PCDHA13: variants seen among roughly 807,000 people sequenced by gnomAD.
The protein encoded by PCDHA13 is protocadherin alpha 13.
PCDHA13 carries 54 observed loss-of-function variants against 64.8 expected under a neutral mutation model. That is an observed-to-expected ratio of 0.83 (90% CI 0.67 to 1.04). The LOEUF is 1.04. PCDHA13 is among the 50% of genes least tolerant of loss of function. PCDHA13 has a pLI of 0.00. For synonymous variants in PCDHA13, 587 were observed against 564.4 expected (o/e 1.04, Z -0.57); for missense variants, 1,248 against 1,254.3 (o/e 0.99, Z 0.08).
At position 140,883,083 on chromosome 5, in the gene PCDHA13, G is replaced by A. The variant is rs267600402; in HGVS notation, c.815G>A (p.Gly272Asp). 8 of 1,614,082 alleles carry A rather than the reference G, an allele frequency of 5.0e-6. No homozygotes were observed. Among genetic ancestry groups the A allele is most frequent in the Non-Finnish European group, 6.8e-6 (8 of 1,180,016 alleles). Residue 272 changes from glycine (G) to aspartate (D), a missense_variant, in exon 1 of 4, where the codon GGT becomes GAT. Coordinates refer to ENST00000289272, the MANE Select transcript of PCDHA13 (RefSeq NM_018904.3). ...CTAAATGCCACAGATCCTGATGATG[G>A]TACAAATGGAGATATAGTTTACTCA... ...IKLNATDPDD[G>D]TNGDIVYSFR...
chr5:140,962,757 T>C (rs1554226219), intron 1 of PCDHA13, among the ~76,000 whole-genome samples: 1 of 152,240 alleles, frequency 6.6e-6, no homozygotes, highest in Non-Finnish European at 1.5e-5. Context: ...GGAATCCTAT[T>C]CGTTTTTAAC....
At position 140,883,741 on chromosome 5, in the gene PCDHA13, C is replaced by T. The variant is rs2153397240; in HGVS notation, c.1473C>T (p.Ser491=). Reference sequence around the variant, plus strand: ...ACGCACAGGAGAACGCGCTGGTCTCCTACTCGCTGGTGGAGCGGCGGGTGG... The same window carrying T: ...ACGCACAGGAGAACGCGCTGGTCTCTTACTCGCTGGTGGAGCGGCGGGTGG... ...DADAQENALV[S]YSLVERRVGE... The change falls in exon 1 of 4, where the codon TCC becomes TCT. Residue 491 remains serine, a synonymous_variant. Coordinates refer to ENST00000289272, the MANE Select transcript of PCDHA13 (RefSeq NM_018904.3). 1 of 1,613,386 alleles carries T rather than the reference C, an allele frequency of 6.2e-7. No individual in the cohort carries two copies. The highest frequency in any genetic ancestry group is 8.5e-7 in the Non-Finnish European group (1 of 1,179,820).
intron 1 of PCDHA13, among the ~76,000 whole-genome samples, chr5:140,963,916 T>A (rs186370400): frequency 2.0e-5 from 3 of 152,356 alleles, no homozygotes; most frequent in East Asian, 3.9e-4. Flanking sequence ...AAGCTTAGGC[T>A]AAGTAACATG....
chr5:140,888,233 C>T (rs544193607), intron 1 of PCDHA13, among the ~76,000 whole-genome samples: 6 of 152,142 alleles, frequency 3.9e-5, no homozygotes, highest in South Asian at 4.1e-4. Flanking sequence ...CATGTGTGTG[C>T]GTGTTCCTTT....
At chr5:140,998,295 A>G (rs2097805023) in intron 3 of PCDHA13, among the ~76,000 whole-genome samples, 1 of 152,206 alleles carries the variant, frequency 6.6e-6, no homozygotes, top group Non-Finnish European at 1.5e-5. Context: ...CAGATCACAC[A>G]TTTAGTAAGG....
At chr5:140,923,045 T>C (rs1554201134) in intron 1 of PCDHA13, among the ~76,000 whole-genome samples, 1 of 152,226 alleles carries the variant, frequency 6.6e-6, no homozygotes, top group Non-Finnish European at 1.5e-5. Context: ...ATGTATAGTA[T>C]TTAGAATAAA....
intron 3 of PCDHA13, among the ~76,000 whole-genome samples, chr5:141,002,832 C>T (rs147080489): frequency 1.2e-4 from 18 of 152,242 alleles, no homozygotes; most frequent in Admixed American, 2.6e-4. Context: ...GTAAATGGCC[C>T]AGGACTATGC....
At chr5:140,926,564 A>T in intron 1 of PCDHA13, 1 of 243,746 alleles carries the variant, frequency 4.1e-6, no homozygotes, top group Non-Finnish European at 7.8e-6. Flanking sequence ...GCCCGCTGCT[A>T]CTGGAGACAG....
chr5:140,890,726 T>C (rs2062772984), intron 1 of PCDHA13, among the ~76,000 whole-genome samples: 1 of 152,214 alleles, frequency 6.6e-6, no homozygotes. Context: ...TTTAATCCCT[T>C]TTGACTTATA....
chr5:140,941,639 TC>T (rs2093135030), intron 1 of PCDHA13, among the ~76,000 whole-genome samples: 1 of 152,044 alleles, frequency 6.6e-6, no homozygotes, highest in Non-Finnish European at 1.5e-5. Context: ...ATTTCTGTCT[TC>T]CTACAACTTA....
chr5:140,970,227 A>T (rs186622858), intron 1 of PCDHA13, among the ~76,000 whole-genome samples: 190 of 152,300 alleles, frequency 1.2e-3, no homozygotes, highest in African/African-American at 4.2e-3. Flanking sequence ...GCAGCCTGTA[A>T]TCTTCTGATT....
intron 1 of PCDHA13, among the ~76,000 whole-genome samples, chr5:140,911,285 G>C (rs1292114305): frequency 6.6e-6 from 1 of 152,078 alleles, no homozygotes; most frequent in Non-Finnish European, 1.5e-5. Flanking sequence ...GCTTCATCAG[G>C]GTCCTTTTAC....
Position 140,979,012 on chromosome 5 carries a change from G to A in PCDHA13, c.2453+5G>A, listed in dbSNP as rs2096831231. The A allele has an allele frequency of 1.9e-6, 3 of 1,613,794 alleles. No individual in the cohort carries two copies. Among genetic ancestry groups the A allele is most frequent in the African/African-American group, 2.7e-5 (2 of 74,926 alleles). ...CCTGAGAGCAGGCATGCACAGGTAT[G>A]TATTTCCCTCCTCATTCACTCAGAA... On this transcript the variant is annotated splice_donor_5th_base_variant and intron_variant, in intron 2 of 3. Coordinates refer to ENST00000289272, the MANE Select transcript of PCDHA13 (RefSeq NM_018904.3).
intron 1 of PCDHA13, among the ~76,000 whole-genome samples, chr5:140,899,260 T>A (rs2153463432): frequency 6.6e-6 from 1 of 152,272 alleles, no homozygotes; most frequent in South Asian, 2.1e-4. Context: ...GGCATCCCTG[T>A]CTTGTGGCAG....
chr5:140,968,635 T>C, intron 1 of PCDHA13: 1 of 1,614,190 alleles, frequency 6.2e-7, no homozygotes, highest in East Asian at 2.2e-5. Context: ...TTTTTTACCA[T>C]CTAGCCCAGA....
intron 1 of PCDHA13, among the ~76,000 whole-genome samples, chr5:140,894,550 T>C (rs943231588): frequency 3.3e-5 from 5 of 151,996 alleles, no homozygotes; most frequent in Non-Finnish European, 5.9e-5. Context: ...TAGTGTTTAC[T>C]TCTGAAAAAA....
intron 1 of PCDHA13, chr5:140,969,555 C>A: frequency 1.6e-6 from 2 of 1,213,380 alleles, no homozygotes; most frequent in Non-Finnish European, 2.2e-6. Flanking sequence ...GAAGCCTTGT[C>A]CATAAAATTG....
At chr5:140,887,524 G>A (rs2061480235) in intron 1 of PCDHA13, among the ~76,000 whole-genome samples, 2 of 152,090 alleles carry the variant, frequency 1.3e-5, no homozygotes, top group African/African-American at 4.8e-5. Flanking sequence ...TTATATATGA[G>A]TCTTCCTCTC....
At chr5:140,984,975 T>A (rs571343368) in intron 3 of PCDHA13, among the ~76,000 whole-genome samples, 1 of 152,128 alleles carries the variant, frequency 6.6e-6, no homozygotes, top group Admixed American at 6.5e-5. Flanking sequence ...TCTCGCTCTG[T>A]CCCCCAGGCT....
Sources: gnomAD v4.1 joint callset for allele counts (sites outside exome capture counted in the v4.1 genomes callset) on GRCh38, gnomAD v4.1.1 for gene constraint, MANE v1.5 for transcripts, NCBI Gene and HGNC (gene_info 2026-07-23, HGNC 2026-07-21) for gene names.